The following PCDH15 variants were observed in gnomAD, a reference collection of about 807,000 sequenced individuals.
The protein encoded by PCDH15 is protocadherin related 15.
Under a neutral mutation model 178.5 loss-of-function variants are expected in PCDH15, and 129 were observed. The observed-to-expected ratio is 0.72, with a 90% CI of 0.63 to 0.84. PCDH15 has a LOEUF of 0.84. PCDH15 is among the 40% of genes least tolerant of loss of function. The pLI is 0.00. For missense variants in PCDH15, 2,230 were observed against 2,099.9 expected, an observed-to-expected ratio of 1.06 and a Z score of -1.21; for synonymous variants, 800 against 732.0, an observed-to-expected ratio of 1.09 and a Z score of -1.50.
At chr10:54,675,480 T>C (rs2094768395) in intron 1 of PCDH15, among the ~76,000 whole-genome samples, 1 of 145,950 alleles carries the variant, frequency 6.9e-6, no homozygotes, top group East Asian at 2.1e-4. Context: ...TTTTTTTCAA[T>C]CTGATCTAAT....
chr10:54,043,952 G>C (rs973503475), intron 18 of PCDH15, among the ~76,000 whole-genome samples: 1 of 152,104 alleles, frequency 6.6e-6, no homozygotes, highest in African/African-American at 2.4e-5. Context: ...GATGTCCTCT[G>C]TACCTATGTC....
At chr10:55,182,571 C>T (rs1204346319) in intron 1 of PCDH15, among the ~76,000 whole-genome samples, 2 of 151,872 alleles carry the variant, frequency 1.3e-5, no homozygotes, top group Admixed American at 6.6e-5. Flanking sequence ...ATATTCTAGC[C>T]TATGTTGTTA....
At chr10:55,504,379 T>A (rs1589089392) in intron 2 of PCDH15, among the ~76,000 whole-genome samples, 1 of 151,400 alleles carries the variant, frequency 6.6e-6, no homozygotes, top group East Asian at 1.9e-4. Flanking sequence ...TCATTATTTT[T>A]AAAAATAACT....
chr10:54,062,309 T>G (rs2094046744), intron 18 of PCDH15, among the ~76,000 whole-genome samples: 1 of 150,492 alleles, frequency 6.6e-6, no homozygotes, highest in African/African-American at 2.4e-5. Flanking sequence ...ATTGGATTAT[T>G]CATATTAAAA....
intron 3 of PCDH15, among the ~76,000 whole-genome samples, chr10:54,870,377 A>T (rs531757343): frequency 6.6e-6 from 1 of 152,326 alleles, no homozygotes; most frequent in Admixed American, 6.5e-5. Flanking sequence ...AACACTGGCC[A>T]TATAAATAGG....
At chr10:55,500,820 A>G (rs1439630146) in intron 2 of PCDH15, among the ~76,000 whole-genome samples, 2 of 151,782 alleles carry the variant, frequency 1.3e-5, no homozygotes, top group Non-Finnish European at 2.9e-5. Flanking sequence ...TTTTAACCCA[A>G]ATACATATAA....
At chr10:54,102,145 T>C (rs2094824778) in intron 15 of PCDH15, among the ~76,000 whole-genome samples, 1 of 152,160 alleles carries the variant, frequency 6.6e-6, no homozygotes, top group Non-Finnish European at 1.5e-5. Flanking sequence ...GAACAGCCTG[T>C]CTTTCTCCCT....
At chr10:55,139,387 T>C (rs1838287491) in intron 2 of PCDH15, among the ~76,000 whole-genome samples, 1 of 34,230 alleles carries the variant, frequency 2.9e-5, no homozygotes, top group Non-Finnish European at 7.7e-5. Flanking sequence ...ATTTTCTCTA[T>C]GTATTTTCTT....
intron 2 of PCDH15, among the ~76,000 whole-genome samples, chr10:54,574,941 A>T (rs2090290475): frequency 6.7e-6 from 1 of 149,364 alleles, no homozygotes; most frequent in Non-Finnish European, 1.5e-5. Flanking sequence ...AAACTGTGGC[A>T]CATATACACC....
chr10:55,447,192 G>A (rs1344130997), intron 2 of PCDH15, among the ~76,000 whole-genome samples: 1 of 152,030 alleles, frequency 6.6e-6, no homozygotes, highest in Non-Finnish European at 1.5e-5. Context: ...GGAGGCATTG[G>A]TAAGTGTAGT....
intron 2 of PCDH15, among the ~76,000 whole-genome samples, chr10:54,972,165 T>A (rs560587929): frequency 6.6e-6 from 1 of 152,332 alleles, no homozygotes; most frequent in African/African-American, 2.4e-5. Flanking sequence ...CACCAAATTA[T>A]AAACTTTTAT....
intron 2 of PCDH15, among the ~76,000 whole-genome samples, chr10:55,587,341 T>C (rs1842744247): frequency 1.3e-5 from 2 of 152,104 alleles, no homozygotes; most frequent in Admixed American, 1.3e-4. Flanking sequence ...GTTGACAATA[T>C]TCATATATAA....
chr10:54,720,762 T>C (rs1411176927), intron 1 of PCDH15, among the ~76,000 whole-genome samples: 1 of 151,944 alleles, frequency 6.6e-6, no homozygotes, highest in Non-Finnish European at 1.5e-5. Flanking sequence ...ACTGGTCCTA[T>C]GAATAGAGAT....
At chr10:55,472,922 A>G (rs1257219540) in intron 2 of PCDH15, among the ~76,000 whole-genome samples, 1 of 152,198 alleles carries the variant, frequency 6.6e-6, no homozygotes, top group Non-Finnish European at 1.5e-5. Context: ...TCTGTGATGG[A>G]TAAAATTATC....
At chr10:54,284,447 A>G (rs1352303869) in intron 8 of PCDH15, among the ~76,000 whole-genome samples, 1 of 152,220 alleles carries the variant, frequency 6.6e-6, no homozygotes, top group African/African-American at 2.4e-5. Context: ...ATTTTCCAGT[A>G]TATCATAAAT....
At chr10:54,483,262 G>A (rs930839518) in intron 3 of PCDH15, among the ~76,000 whole-genome samples, 6 of 151,820 alleles carry the variant, frequency 4.0e-5, no homozygotes, top group African/African-American at 1.4e-4. Context: ...TCTTTCTGGA[G>A]TCAAGTGAAT....
intron 14 of PCDH15, 110 bp downstream of exon 14, chr10:54,152,990 T>C (rs1350143355): frequency 7.9e-7 from 1 of 1,272,622 alleles, no homozygotes; most frequent in Non-Finnish European, 1.1e-6. Flanking sequence ...GATTTTCTGA[T>C]CTAATTTAGA....
chr10:53,909,891 CCT>C (rs1242045073), intron 25 of PCDH15, among the ~76,000 whole-genome samples: 4 of 152,232 alleles, frequency 2.6e-5, no homozygotes, highest in African/African-American at 9.6e-5. Context: ...GCCCACGAAG[CCT>C]TGCTCACTGC....
chr10:55,339,362 C>G (rs981920900), intron 2 of PCDH15, among the ~76,000 whole-genome samples: 1 of 151,832 alleles, frequency 6.6e-6, no homozygotes, highest in Non-Finnish European at 1.5e-5. Context: ...GCTGTCGGAC[C>G]AAGGATCTAG....
Sources: allele counts gnomAD v4.1 joint callset (sites outside exome capture counted in the v4.1 genomes callset), GRCh38; gene constraint gnomAD v4.1.1; transcripts MANE v1.5; gene names NCBI Gene and HGNC (gene_info 2026-07-23, HGNC 2026-07-21).